GSG1L: variants seen among roughly 807,000 people sequenced by gnomAD.
GSG1L encodes the protein germ cell-specific gene 1-like protein.
Under a neutral mutation model 42.1 loss-of-function variants are expected in GSG1L, and 24 were observed. The ratio of observed to expected loss-of-function variants is 0.57; its 90% CI spans 0.41 to 0.80. GSG1L has a LOEUF of 0.80. GSG1L is among the 30% of genes least tolerant of loss of function. The probability of loss-of-function intolerance (pLI) is 0.00; values close to 1 mark genes in which losing one functional copy is unlikely to be tolerated. For synonymous variants in GSG1L, 215 were observed against 203.5 expected, an observed-to-expected ratio of 1.06 and a Z score of -0.48; for missense variants, 445 against 472.2, an observed-to-expected ratio of 0.94 and a Z score of 0.53.
chr16:28,036,312 ACAG>A (rs1337505110), intron 1 of GSG1L, among the ~76,000 whole-genome samples: 2 of 152,178 alleles, frequency 1.3e-5, no homozygotes, highest in African/African-American at 4.8e-5. Flanking sequence ...CCTAAAGGCC[ACAG>A]GTTCCTCACT....
At chr16:27,879,006 G>A (rs1289263563) in intron 3 of GSG1L, among the ~76,000 whole-genome samples, 1 of 152,080 alleles carries the variant, frequency 6.6e-6, no homozygotes, top group Non-Finnish European at 1.5e-5. Flanking sequence ...ACAATCAGGG[G>A]AGAGGGAGGA....
In GSG1L at chr16:28,006,434, G is replaced by A. The variant is rs952606068; in HGVS notation, c.350-43231C>T. 4.6e-5 allele frequency among the ~76,000 whole-genome samples: 7 copies of A among 151,760 alleles called. No individual in the cohort carries two copies. The South Asian group carries it at 1.0e-3, about 23-fold the overall frequency. ...AGGGATTCTTGTGCCTCAGCCTCCC[G>A]AGTGACTGTGACTACAGGCACACAC... On this transcript the variant is annotated intron_variant, in intron 1 of 6. Coordinates refer to ENST00000447459, the MANE Select transcript of GSG1L (RefSeq NM_001109763.2).
chr16:27,958,029 A>G (rs1031011343), intron 2 of GSG1L, among the ~76,000 whole-genome samples: 1 of 152,178 alleles, frequency 6.6e-6, no homozygotes, highest in African/African-American at 2.4e-5. Flanking sequence ...TCCATGACTC[A>G]AACACTTCCC....
At chr16:27,892,660 T>A (rs987017809) in intron 2 of GSG1L, among the ~76,000 whole-genome samples, 1 of 151,738 alleles carries the variant, frequency 6.6e-6, no homozygotes, top group African/African-American at 2.4e-5. Context: ...TGTGGTGGTG[T>A]GTGCCTGTGA....
At chr16:28,017,949 G>C (rs751919397) in intron 1 of GSG1L, among the ~76,000 whole-genome samples, 4 of 152,136 alleles carry the variant, frequency 2.6e-5, no homozygotes, top group Admixed American at 2.6e-4. Context: ...ATCCTTAGGT[G>C]GTGAGTACAT....
At chr16:27,878,506 G>A (rs1053499035) in intron 3 of GSG1L, among the ~76,000 whole-genome samples, 12 of 152,344 alleles carry the variant, frequency 7.9e-5, no homozygotes, top group Middle Eastern at 3.4e-3. Flanking sequence ...TTAACATGAG[G>A]AGATTATTAC....
Position 27,813,159 on chromosome 16 carries a change from G to A in GSG1L, c.831-5605C>T, listed in dbSNP as rs575967147. On this transcript the variant is annotated intron_variant, in intron 5 of 6. Transcript: ENST00000447459. ...GTTACAGAGGTAAATTGCATGTCAC[G>A]GGGGTTTGGTGTACAGACTATTTTG... 1.1e-3 allele frequency among the ~76,000 whole-genome samples: 160 copies of A among 152,262 alleles called. 1 individual carries two copies. The highest frequency in any genetic ancestry group is 4.2e-3 in the South Asian group (20 of 4,808).
In GSG1L at chr16:27,790,194, G is replaced by C. The variant is rs770806360; in HGVS notation, c.*1176C>G. On this transcript the variant is annotated 3_prime_UTR_variant, in exon 7 of 7. Transcript: ENST00000447459. ...GATGGATAATAGATGATGAATGGGT[G>C]GATAATAGATGGACGAATGATGAAT... 7 of 151,820 alleles carry C rather than the reference G, an allele frequency of 4.6e-5. No homozygotes were observed. The highest frequency in any genetic ancestry group is 7.4e-5 in the Non-Finnish European group (5 of 67,946). 9.4% of individuals were successfully genotyped at this position (151,820 alleles called of 1,614,324 possible).
At chr16:27,814,649 C>T (rs534387243) in intron 5 of GSG1L, among the ~76,000 whole-genome samples, 3 of 146,272 alleles carry the variant, frequency 2.1e-5, no homozygotes, top group East Asian at 2.0e-4. Context: ...TGCACCATTG[C>T]ACTCCAGCCT....
chr16:27,960,871 CAGA>C (rs1567535810), intron 2 of GSG1L, among the ~76,000 whole-genome samples: 1 of 152,082 alleles, frequency 6.6e-6, no homozygotes, highest in African/African-American at 2.4e-5. Context: ...TATACACAGC[CAGA>C]AGGTTCTCGG....
chr16:27,874,632 G>A (rs2083864837), intron 3 of GSG1L, among the ~76,000 whole-genome samples: 1 of 151,816 alleles, frequency 6.6e-6, no homozygotes, highest in South Asian at 2.1e-4. Context: ...AAGCTTCCTG[G>A]ATGGTGAACA....
intron 1 of GSG1L, among the ~76,000 whole-genome samples, chr16:28,042,435 CAA>C (rs5816459): frequency 0.026 from 3,227 of 125,172 alleles, 93 homozygotes; most frequent in African/African-American, 0.081. Flanking sequence ...AACTCCATCT[CAA>C]AAAAAAAAAA....
chr16:28,021,231 A>T (rs1449088774), intron 1 of GSG1L, among the ~76,000 whole-genome samples: 2 of 152,122 alleles, frequency 1.3e-5, no homozygotes, highest in Non-Finnish European at 2.9e-5. Flanking sequence ...TCATGGTGGA[A>T]GGCAGAAGGG....
chr16:27,985,553 C>G (rs1431568670), intron 1 of GSG1L, among the ~76,000 whole-genome samples: 1 of 152,040 alleles, frequency 6.6e-6, no homozygotes, highest in African/African-American at 2.4e-5. Context: ...CTATAAATTA[C>G]CCAGTCTCGG....
chr16:27,963,838 G>T (rs2085098320), intron 1 of GSG1L, among the ~76,000 whole-genome samples: 2 of 152,192 alleles, frequency 1.3e-5, no homozygotes, highest in South Asian at 4.2e-4. Context: ...TTTCTATGGG[G>T]CATGGCCACC....
intron 5 of GSG1L, among the ~76,000 whole-genome samples, chr16:27,828,189 C>G (rs1241729139): frequency 6.6e-6 from 1 of 151,546 alleles, no homozygotes; most frequent in African/African-American, 2.4e-5. Context: ...ATCTGTCTAT[C>G]CATCTACCCA....
chr16:27,990,656 G>T (rs974973389), intron 1 of GSG1L, among the ~76,000 whole-genome samples: 4 of 152,304 alleles, frequency 2.6e-5, no homozygotes, highest in Admixed American at 2.0e-4. Context: ...AAGAAGAAAA[G>T]AATTCACCCA....
chr16:27,955,471 A>C (rs1021694082), intron 2 of GSG1L, among the ~76,000 whole-genome samples: 14 of 152,178 alleles, frequency 9.2e-5, no homozygotes, highest in African/African-American at 3.4e-4. Context: ...AGAGGGGAAA[A>C]AATCAGATCA....
intron 2 of GSG1L, among the ~76,000 whole-genome samples, chr16:27,917,587 C>T (rs899544466): frequency 6.6e-5 from 10 of 152,162 alleles, no homozygotes; most frequent in African/African-American, 2.4e-4. Flanking sequence ...CAACTGGGGC[C>T]AGATGGCAGA....
Sources: allele counts gnomAD v4.1 joint callset (sites outside exome capture counted in the v4.1 genomes callset), GRCh38; gene constraint gnomAD v4.1.1; transcripts MANE v1.5; gene names NCBI Gene and HGNC (gene_info 2026-07-23, HGNC 2026-07-21).